FOXP2: variants seen among roughly 807,000 people sequenced by gnomAD.
The protein encoded by FOXP2 is forkhead box P2, also known as forkhead box protein P2.
FOXP2 carries 12 observed loss-of-function variants against 115.8 expected under a neutral mutation model. That is an observed-to-expected ratio of 0.10 (90% CI 0.07 to 0.17). The LOEUF is 0.17. Among genes scored for constraint, FOXP2 ranks in the 10% least tolerant of loss-of-function variants. The pLI is 1.00. For missense variants in FOXP2, 629 were observed against 843.5 expected (o/e 0.75, Z 3.15); for synonymous variants, 328 against 297.7 (o/e 1.10, Z -1.05).
intron 1 of FOXP2, among the ~76,000 whole-genome samples, chr7:114,091,808 T>C (rs1799548380): frequency 6.6e-6 from 1 of 152,000 alleles, no homozygotes; most frequent in Non-Finnish European, 1.5e-5. Flanking sequence ...TTTTAAAAAA[T>C]ACATTTTCTC....
chr7:114,584,405 C>T (rs1802024780), intron 3 of FOXP2, among the ~76,000 whole-genome samples: 1 of 152,162 alleles, frequency 6.6e-6, no homozygotes, highest in South Asian at 2.1e-4. Context: ...AGTTAATAGG[C>T]AAAGTTCCAA....
intron 2 of FOXP2, among the ~76,000 whole-genome samples, chr7:114,437,871 C>T (rs1794425981): frequency 6.6e-6 from 1 of 152,036 alleles, no homozygotes. Context: ...CAGTTCAGTT[C>T]ATGGTTATTA....
intron 1 of FOXP2, among the ~76,000 whole-genome samples, chr7:114,130,728 G>T (rs1156571019): frequency 6.6e-6 from 1 of 152,200 alleles, no homozygotes; most frequent in Admixed American, 6.5e-5. Flanking sequence ...CATAAATCAG[G>T]TACTACAGAA....
At chr7:114,359,423 G>A (rs1314704614) in intron 2 of FOXP2, among the ~76,000 whole-genome samples, 10 of 152,180 alleles carry the variant, frequency 6.6e-5, no homozygotes, top group African/African-American at 1.4e-4. Context: ...GTCCTCACTC[G>A]GGTACTGCCT....
chr7:114,660,170 C>T (rs1207641034), intron 13 of FOXP2, among the ~76,000 whole-genome samples: 1 of 152,128 alleles, frequency 6.6e-6, no homozygotes, highest in Admixed American at 6.6e-5. Context: ...GAATATTATC[C>T]TGTCAGAACA....
intron 1 of FOXP2, among the ~76,000 whole-genome samples, chr7:114,103,889 T>C (rs1000528352): frequency 3.3e-5 from 5 of 152,008 alleles, no homozygotes; most frequent in Admixed American, 6.6e-5. Context: ...TCCTTCAATC[T>C]CCCCCTTTGA....
At chr7:114,251,879 G>A (rs1414819713) in intron 1 of FOXP2, among the ~76,000 whole-genome samples, 2 of 152,188 alleles carry the variant, frequency 1.3e-5, no homozygotes, top group Non-Finnish European at 2.9e-5. Flanking sequence ...AGTTTTCAAA[G>A]GGAATGCTTC....
intron 2 of FOXP2, among the ~76,000 whole-genome samples, chr7:114,353,856 A>G (rs1294866132): frequency 1.3e-5 from 2 of 152,098 alleles, no homozygotes; most frequent in East Asian, 1.9e-4. Context: ...GTTCCTGTGT[A>G]TAACCCATCT....
rs775298061 is a variant in FOXP2 at position 114,629,873 on chromosome 7, GCAACAGCAGCAGCAGCAA to G, written c.477_494del (p.Gln186_Gln191del). On this transcript the variant is annotated inframe_deletion, in exon 5 of 17. Transcript: ENST00000350908. The stretch of plus-strand genomic sequence containing the variant: ...ATCTTCAGCTTTTGCAGCAGCAGCA[GCAACAGCAGCAGCAGCAA>G]CAACAGCAGCAACAACAGCAGCAGC... 32 of 1,610,728 alleles carry G rather than the reference GCAACAGCAGCAGCAGCAA, an allele frequency of 2.0e-5. No individual in the cohort carries two copies. The highest frequency in any genetic ancestry group is 2.7e-5 in the Non-Finnish European group (32 of 1,179,284).
chr7:114,465,806 C>T (rs1795775373), intron 2 of FOXP2, among the ~76,000 whole-genome samples: 1 of 152,250 alleles, frequency 6.6e-6, no homozygotes, highest in South Asian at 2.1e-4. Flanking sequence ...TTCATTTTTA[C>T]CCTCTTCTCT....
intron 1 of FOXP2, among the ~76,000 whole-genome samples, chr7:114,218,972 G>A (rs1794553070): frequency 6.6e-6 from 1 of 152,110 alleles, no homozygotes; most frequent in Non-Finnish European, 1.5e-5. Context: ...GGAGGACCCT[G>A]CAGTCTCCTC....
intron 2 of FOXP2, among the ~76,000 whole-genome samples, chr7:114,360,950 A>G (rs959487377): frequency 4.6e-5 from 7 of 152,184 alleles, no homozygotes; most frequent in African/African-American, 1.7e-4. Flanking sequence ...AAAACCACTC[A>G]GTGAAGATAA....
intron 2 of FOXP2, among the ~76,000 whole-genome samples, chr7:114,344,790 AT>A (rs1300512726): frequency 6.6e-6 from 1 of 151,938 alleles, no homozygotes; most frequent in Non-Finnish European, 1.5e-5. Context: ...CGGTAAAATA[AT>A]CATCTGTTCA....
At chr7:114,251,125 C>G (rs1401634417) in intron 1 of FOXP2, among the ~76,000 whole-genome samples, 1 of 152,134 alleles carries the variant, frequency 6.6e-6, no homozygotes, top group Non-Finnish European at 1.5e-5. Flanking sequence ...GGTATTATTT[C>G]TGAGGGCTCT....
intron 3 of FOXP2, among the ~76,000 whole-genome samples, chr7:114,607,214 T>C (rs891057443): frequency 2.2e-4 from 33 of 152,284 alleles, no homozygotes; most frequent in Admixed American, 1.4e-3. Context: ...GAGGAGACTT[T>C]AGTAAATGTA....
chr7:114,486,783 C>T (rs1322518698), intron 2 of FOXP2, among the ~76,000 whole-genome samples: 3 of 152,202 alleles, frequency 2.0e-5, no homozygotes, highest in Admixed American at 2.0e-4. Context: ...TCTTAAAGCT[C>T]TGAAATGATC....
At chr7:114,497,749 C>A (rs1797387554) in intron 2 of FOXP2, among the ~76,000 whole-genome samples, 1 of 151,976 alleles carries the variant, frequency 6.6e-6, no homozygotes, top group South Asian at 2.1e-4. Flanking sequence ...AAGAGGTATT[C>A]ATATATTTTA....
intron 2 of FOXP2, among the ~76,000 whole-genome samples, chr7:114,521,044 C>T (rs1798600771): frequency 6.6e-6 from 1 of 152,010 alleles, no homozygotes; most frequent in Non-Finnish European, 1.5e-5. Context: ...ATTGAGCTTT[C>T]TAAAGACTGG....
At chr7:114,161,412 A>G (rs1003310377), upstream of FOXP2, among the ~76,000 whole-genome samples, 2 of 152,162 alleles carry the variant, frequency 1.3e-5, no homozygotes, top group African/African-American at 4.8e-5. Context: ...ACAAGTATCA[A>G]TTTGTGATCA....
Sources: allele counts gnomAD v4.1 joint callset (sites outside exome capture counted in the v4.1 genomes callset), GRCh38; gene constraint gnomAD v4.1.1; transcripts MANE v1.5; gene names NCBI Gene and HGNC (gene_info 2026-07-23, HGNC 2026-07-21).